RBFOX1: variants seen among roughly 807,000 people sequenced by gnomAD.
RBFOX1 encodes the protein RNA binding protein fox-1 homolog 1.
Under a neutral mutation model 57.7 loss-of-function variants are expected in RBFOX1, and 8 were observed. The ratio of observed to expected loss-of-function variants is 0.14; its 90% CI spans 0.08 to 0.25. The LOEUF (loss-of-function observed/expected upper bound fraction) is 0.25. Among genes scored for constraint, RBFOX1 ranks in the 10% least tolerant of loss-of-function variants. The pLI is 1.00. For missense variants in RBFOX1, 611 were observed against 548.5 expected, an observed-to-expected ratio of 1.11 and a Z score of -1.14; for synonymous variants, 326 against 222.4, an observed-to-expected ratio of 1.47 and a Z score of -4.15.
At chr16:5,906,328 G>T (rs1026971517) in intron 4 of RBFOX1, among the ~76,000 whole-genome samples, 1 of 152,192 alleles carries the variant, frequency 6.6e-6, no homozygotes, top group Non-Finnish European at 1.5e-5. Context: ...AAACACGCAC[G>T]TGGGGATAAT....
rs34488881 is a variant in RBFOX1, at chr16:5,955,118, TAAAAAAAAAAAAAA to T, written c.351+87797_351+87810del. Among the ~76,000 whole-genome samples the T allele has an allele frequency of 1.4e-4, 2 of 14,286 alleles. 1 individual carries two copies. Among genetic ancestry groups the T allele is most frequent in the African/African-American group, 7.2e-4 (2 of 2,796 alleles). The allele number at this position is 14,286 out of a possible 152,430, so 9.4% of individuals were successfully genotyped here. A position where few individuals can be genotyped will look rare whatever the true frequency, so the allele number is the denominator to read the frequency against. On this transcript the variant is annotated intron_variant, in intron 4 of 19. Coordinates refer to the RBFOX1 transcript ENST00000641259. The stretch of plus-strand genomic sequence containing the variant: ...CAACAGGGTGAAACTCCATCTCTAC[TAAAAAAAAAAAAAA>T]AAAAAAAAAAAAAGCCAGGCGCACC...
At chr16:5,532,125 C>T (rs1318383424) in intron 2 of RBFOX1, among the ~76,000 whole-genome samples, 1 of 152,100 alleles carries the variant, frequency 6.6e-6, no homozygotes, top group Non-Finnish European at 1.5e-5. Flanking sequence ...TCAGGGCTTC[C>T]CAACCTCAAC....
intron 14 of RBFOX1, among the ~76,000 whole-genome samples, chr16:7,691,086 C>A (rs142590779): frequency 3.2e-4 from 48 of 152,166 alleles, no homozygotes; most frequent in African/African-American, 1.1e-3. Context: ...GGTGACCTTT[C>A]TGGGATGTAG....
intron 1 of RBFOX1, among the ~76,000 whole-genome samples, chr16:6,194,937 T>A (rs2097170121): frequency 6.6e-6 from 1 of 152,174 alleles, no homozygotes; most frequent in Admixed American, 6.5e-5. Context: ...GTTTTCAAGA[T>A]TTTTAGGAAA....
At chr16:7,108,972 C>T (rs1390617332) in intron 4 of RBFOX1, among the ~76,000 whole-genome samples, 21 of 152,012 alleles carry the variant, frequency 1.4e-4, no homozygotes, top group Admixed American at 1.3e-3. Context: ...TGAAGCATAA[C>T]GTTATGTGTG....
intron 5 of RBFOX1, among the ~76,000 whole-genome samples, chr16:7,528,808 A>T (rs1453714767): frequency 6.6e-6 from 1 of 152,194 alleles, no homozygotes; most frequent in African/African-American, 2.4e-5. Flanking sequence ...CAATTTTTGA[A>T]TTCAAGGCTG....
intron 1 of RBFOX1, among the ~76,000 whole-genome samples, chr16:6,295,099 G>GC (rs2077931951): frequency 3.1e-5 from 3 of 96,004 alleles, no homozygotes; most frequent in African/African-American, 1.3e-4. Flanking sequence ...TAAGCAGTGA[G>GC]TTTTTTTTTT....
intron 3 of RBFOX1, among the ~76,000 whole-genome samples, chr16:6,981,623 G>C (rs1482691280): frequency 6.6e-6 from 1 of 152,210 alleles, no homozygotes; most frequent in Non-Finnish European, 1.5e-5. Flanking sequence ...CAAAGGAGGA[G>C]AGAAGTCACA....
At chr16:7,303,258 C>A (rs1330213482) in intron 4 of RBFOX1, among the ~76,000 whole-genome samples, 1 of 152,254 alleles carries the variant, frequency 6.6e-6, no homozygotes, top group Non-Finnish European at 1.5e-5. Flanking sequence ...GGTGCATCGG[C>A]GCTTCGGTGC....
intron 3 of RBFOX1, among the ~76,000 whole-genome samples, chr16:6,672,490 G>T (rs1488014632): frequency 6.6e-6 from 1 of 151,324 alleles, no homozygotes; most frequent in Non-Finnish European, 1.5e-5. Flanking sequence ...AAGAAAAAGG[G>T]AGGGAGGAAG....
chr16:5,819,178 G>A (rs183929022), intron 3 of RBFOX1, among the ~76,000 whole-genome samples: 3 of 152,260 alleles, frequency 2.0e-5, no homozygotes, highest in East Asian at 1.9e-4. Context: ...TGCAAATCAA[G>A]GTGTCAGCAG....
chr16:5,610,712 A>G (rs1225745300), intron 3 of RBFOX1: 2 of 152,036 alleles, frequency 1.3e-5, no homozygotes, highest in African/African-American at 4.8e-5. Flanking sequence ...TTATTTTAAA[A>G]TTAAAAATTT....
chr16:5,528,545 CTT>C (rs755227280), intron 2 of RBFOX1, among the ~76,000 whole-genome samples: 1 of 115,266 alleles, frequency 8.7e-6, no homozygotes. Flanking sequence ...GACAGCTCTT[CTT>C]TTTTTTTTTT....
chr16:7,237,042 C>T (rs1413516628), intron 4 of RBFOX1, among the ~76,000 whole-genome samples: 1 of 152,140 alleles, frequency 6.6e-6, no homozygotes, highest in Non-Finnish European at 1.5e-5. Flanking sequence ...CACCCATCAG[C>T]AAGAGAGGAA....
chr16:6,280,274 G>A (rs972977123), intron 1 of RBFOX1, among the ~76,000 whole-genome samples: 2 of 152,124 alleles, frequency 1.3e-5, no homozygotes, highest in Non-Finnish European at 2.9e-5. Context: ...AAGGACAGCC[G>A]CCTCCCTCCG....
chr16:6,735,649 G>A lies in RBFOX1; in HGVS notation c.-16+80999G>A, dbSNP rs115952601. Reference sequence around the variant, plus strand: ...TGTAACATTGGATCGATCACAAAATGTTTGGGTAACAATGCTGAGACTCTC... The same window carrying A: ...TGTAACATTGGATCGATCACAAAATATTTGGGTAACAATGCTGAGACTCTC... On this transcript the variant is annotated intron_variant, in intron 3 of 15. Transcript: ENST00000550418. Among the ~76,000 whole-genome samples the A allele has an allele frequency of 2.8e-3, 425 of 152,272 alleles. 2 individuals are homozygous for A. Among genetic ancestry groups the A allele is most frequent in the African/African-American group, 9.7e-3 (402 of 41,566 alleles).
At chr16:7,108,021 G>T (rs189951269) in intron 4 of RBFOX1, among the ~76,000 whole-genome samples, 4 of 151,286 alleles carry the variant, frequency 2.6e-5, no homozygotes, top group East Asian at 1.9e-4. Context: ...ACATAAGATT[G>T]GGGGGGAGAG....
chr16:6,897,870 C>G, intron 3 of RBFOX1, among the ~76,000 whole-genome samples: 1 of 152,258 alleles, frequency 6.6e-6, no homozygotes, highest in Non-Finnish European at 1.5e-5. Flanking sequence ...CCATCTGTCC[C>G]TTCATACCCT....
At chr16:5,948,976 C>T (rs9925350) in intron 4 of RBFOX1, among the ~76,000 whole-genome samples, 23 of 152,110 alleles carry the variant, frequency 1.5e-4, no homozygotes, top group African/African-American at 5.3e-4. Flanking sequence ...CATCTTCTCT[C>T]TTGCTGTCAC....
Sources: allele counts gnomAD v4.1 joint callset (sites outside exome capture counted in the v4.1 genomes callset), GRCh38; gene constraint gnomAD v4.1.1; transcripts MANE v1.5; gene names NCBI Gene and HGNC (gene_info 2026-07-23, HGNC 2026-07-21).